The following TOM1L1 variants were observed in gnomAD, a reference collection of about 807,000 sequenced individuals.
TOM1L1 encodes TOM1-like protein 1.
A neutral mutation model predicts 63.4 loss-of-function variants in TOM1L1; 64 were observed. The observed-to-expected ratio is 1.01, with a 90% CI of 0.83 to 1.24. The LOEUF is 1.24. Among genes scored for constraint, TOM1L1 ranks in the 50% most tolerant of loss-of-function variants. TOM1L1 has a pLI of 0.00. For missense variants in TOM1L1, 536 were observed against 567.0 expected (o/e 0.95, Z 0.55); for synonymous variants, 166 against 194.4 (o/e 0.85, Z 1.22).
chr17:54,919,390 A>G (rs1380669476), intron 7 of TOM1L1, among the ~76,000 whole-genome samples: 2 of 152,218 alleles, frequency 1.3e-5, no homozygotes, highest in African/African-American at 4.8e-5. Context: ...TTTCTCTCAT[A>G]TTCTCATCCA....
chr17:54,943,004 C>CTT (rs2049056235), intron 11 of TOM1L1, among the ~76,000 whole-genome samples: 3 of 152,174 alleles, frequency 2.0e-5, no homozygotes. Flanking sequence ...ATGCATTCGG[C>CTT]TATGTTGGAT....
chr17:54,944,360 G>T (rs1482629039), intron 11 of TOM1L1, among the ~76,000 whole-genome samples: 1 of 151,266 alleles, frequency 6.6e-6, no homozygotes, highest in African/African-American at 2.4e-5. Flanking sequence ...TGAGGCATGA[G>T]AATTGACTGA....
intron 1 of TOM1L1, among the ~76,000 whole-genome samples, chr17:54,901,397 C>T (rs1166799584): frequency 6.6e-6 from 1 of 152,100 alleles, no homozygotes; most frequent in South Asian, 2.1e-4. Flanking sequence ...TAGTGCCAAG[C>T]TTATACAACC....
chr17:54,942,694 A>G (rs1220594291), intron 11 of TOM1L1, among the ~76,000 whole-genome samples: 1 of 152,180 alleles, frequency 6.6e-6, no homozygotes, highest in African/African-American at 2.4e-5. Flanking sequence ...ATATACTAAA[A>G]TTGACCTTTT....
intron 14 of TOM1L1, among the ~76,000 whole-genome samples, chr17:54,956,226 C>T (rs1388581282): frequency 6.6e-6 from 1 of 152,168 alleles, no homozygotes; most frequent in African/African-American, 2.4e-5. Context: ...CTTACTGCAA[C>T]CTTGACTTCC....
chr17:54,908,645 C>T (rs1261875716), intron 3 of TOM1L1, among the ~76,000 whole-genome samples: 1 of 152,138 alleles, frequency 6.6e-6, no homozygotes, highest in African/African-American at 2.4e-5. Flanking sequence ...CCTGACTGTA[C>T]TATGATTTCC....
At position 54,914,650 on chromosome 17, in the gene TOM1L1, C is replaced by G. The variant is rs756568791; in HGVS notation, c.510C>G (p.Ile170Met). Reference sequence around the variant, plus strand: ...TTTCATACTCATAGACTGCTCAAATCTCATCAAATCCTCCAACATCTGTCC... The same window carrying G: ...TTTCATACTCATAGACTGCTCAAATGTCATCAAATCCTCCAACATCTGTCC... ...AETARQETAQ[I>M]SSNPPTSVPT... The change falls in exon 6 of 16, where the codon ATC becomes ATG. Residue 170 changes from isoleucine to methionine, a missense_variant. By Grantham distance (10) the Ile-to-Met change is conservative (BLOSUM62 1). Transcript: ENST00000575882. The G allele has an allele frequency of 2.5e-5, 40 of 1,613,156 alleles. 1 individual carries two copies. In the East Asian group the frequency reaches 8.7e-4, roughly 35 times the overall value.
intron 7 of TOM1L1, among the ~76,000 whole-genome samples, chr17:54,923,517 A>G (rs186690458): frequency 6.6e-6 from 1 of 151,482 alleles, no homozygotes; most frequent in Admixed American, 6.6e-5. Flanking sequence ...TGTCTGTATT[A>G]TAGTTTTTTA....
chr17:54,920,583 C>T (rs1210503644), intron 7 of TOM1L1, among the ~76,000 whole-genome samples: 1 of 152,154 alleles, frequency 6.6e-6, no homozygotes, highest in African/African-American at 2.4e-5. Context: ...GAAAGAGACC[C>T]CTCCAAAGGA....
At chr17:54,930,907 A>G (rs1003570095) in intron 8 of TOM1L1, among the ~76,000 whole-genome samples, 43 of 152,158 alleles carry the variant, frequency 2.8e-4, no homozygotes, top group Admixed American at 9.8e-4. Context: ...TGGTGGTCCT[A>G]GTAGGTGCTT....
chr17:54,927,269 A>G, intron 7 of TOM1L1, among the ~76,000 whole-genome samples: 1 of 152,236 alleles, frequency 6.6e-6, no homozygotes, highest in East Asian at 1.9e-4. Context: ...GGATATTGCC[A>G]TACAGATAGT....
At chr17:54,926,901 T>C (rs1439222973) in intron 7 of TOM1L1, among the ~76,000 whole-genome samples, 1 of 152,238 alleles carries the variant, frequency 6.6e-6, no homozygotes, top group Non-Finnish European at 1.5e-5. Context: ...GTTTCTCATT[T>C]TGAACCCAGG....
At chr17:54,913,144 T>A (rs2048522785) in intron 4 of TOM1L1, among the ~76,000 whole-genome samples, 1 of 152,238 alleles carries the variant, frequency 6.6e-6, no homozygotes, top group South Asian at 2.1e-4. Flanking sequence ...GAGCTACTGA[T>A]GTTATTTTAG....
chr17:54,930,673 C>T (rs2048843820), intron 8 of TOM1L1, among the ~76,000 whole-genome samples: 1 of 152,070 alleles, frequency 6.6e-6, no homozygotes. Context: ...AACCCCATCT[C>T]TACTAAAAAT....
At chr17:54,939,559 C>T (rs2049003828) in intron 11 of TOM1L1, among the ~76,000 whole-genome samples, 1 of 152,020 alleles carries the variant, frequency 6.6e-6, no homozygotes, top group South Asian at 2.1e-4. Flanking sequence ...CACTAAAGTA[C>T]TTAGGTCAGC....
At chr17:54,921,800 G>A (rs2048688650) in intron 7 of TOM1L1, among the ~76,000 whole-genome samples, 1 of 152,014 alleles carries the variant, frequency 6.6e-6, no homozygotes, top group Non-Finnish European at 1.5e-5. Context: ...ACAACACATA[G>A]CAGTTATGAG....
In TOM1L1 at chr17:54,950,045, C is replaced by A; in HGVS notation, c.1289C>A (p.Ala430Glu). 1 of 1,612,040 alleles carries A rather than the reference C, an allele frequency of 6.2e-7. No homozygotes were observed. The highest frequency in any genetic ancestry group is 2.2e-5 in the East Asian group (1 of 44,818). The stretch of plus-strand genomic sequence containing the variant: ...TACTGGTCTCTTTTTTTGCCCAAAG[C>A]GATGACAAAAAGTGATCTCCAGCCA... ...SLPPLPSNHP[A>E]MTKSDLQPPN... Residue 430 changes from alanine to glutamate, a missense_variant and splice_region_variant, in exon 14 of 16, where the codon GCG becomes GAG. By Grantham distance (107) the Ala-to-Glu change is moderately radical. Coordinates refer to ENST00000575882, the MANE Select transcript of TOM1L1 (RefSeq NM_005486.3).
chr17:54,935,705 G>A (rs1376884897), intron 8 of TOM1L1, among the ~76,000 whole-genome samples: 2 of 152,178 alleles, frequency 1.3e-5, no homozygotes, highest in South Asian at 4.2e-4. Context: ...TTAAACTTTG[G>A]ACTTTTGCCT....
chr17:54,911,946 G>A lies in TOM1L1; in HGVS notation c.223-720G>A, dbSNP rs184018251. Among the ~76,000 whole-genome samples, 60 of 152,200 alleles carry A rather than the reference G, an allele frequency of 3.9e-4. 1 individual carries two copies. Among genetic ancestry groups the A allele is most frequent in the Admixed American group, 2.6e-3 (39 of 15,280 alleles). ...TGCCACACAAACTTCTCTACAACCT[G>A]GACGGACTTTATCCACCCTATCTTT... On this transcript the variant is annotated intron_variant, in intron 3 of 15. Coordinates refer to ENST00000575882, the MANE Select transcript of TOM1L1 (RefSeq NM_005486.3).
Sources: allele counts gnomAD v4.1 joint callset (sites outside exome capture counted in the v4.1 genomes callset), GRCh38; gene constraint gnomAD v4.1.1; transcripts MANE v1.5; gene names NCBI Gene and HGNC (gene_info 2026-07-23, HGNC 2026-07-21).